LRP1B: variants seen among roughly 807,000 people sequenced by gnomAD.
LRP1B encodes LDL receptor related protein 1B, also known as low-density lipoprotein receptor-related protein 1B.
Under a neutral mutation model 556.6 loss-of-function variants are expected in LRP1B, and 217 were observed. That is an observed-to-expected ratio of 0.39 (90% CI 0.35 to 0.44). The LOEUF (loss-of-function observed/expected upper bound fraction) is 0.44, where lower values mean the gene tolerates loss of function less well. Ranked by LOEUF, LRP1B falls within the 20% of genes least tolerant of loss-of-function variation. The pLI, the probability that LRP1B is intolerant of heterozygous loss-of-function variation, is 1.00. For synonymous variants in LRP1B, 2,047 were observed against 1,865.8 expected (o/e 1.10, Z -2.50); for missense variants, 5,053 against 5,620.8 (o/e 0.90, Z 3.23).
chr2:141,165,105 CAG>C (rs1680193688), intron 7 of LRP1B, among the ~76,000 whole-genome samples: 1 of 151,950 alleles, frequency 6.6e-6, no homozygotes, highest in Non-Finnish European at 1.5e-5. Flanking sequence ...TGTCATTAGG[CAG>C]AGAGACTGTG....
chr2:140,949,747 T>C (rs1050000750), intron 20 of LRP1B, among the ~76,000 whole-genome samples: 42 of 151,858 alleles, frequency 2.8e-4, no homozygotes, highest in African/African-American at 1.0e-3. Context: ...GAGACCATCC[T>C]GGCTAACATG....
intron 59 of LRP1B, among the ~76,000 whole-genome samples, chr2:140,484,330 A>T: frequency 6.6e-6 from 1 of 152,206 alleles, no homozygotes; most frequent in Middle Eastern, 3.2e-3. Context: ...AATTATAAAC[A>T]TGAGGGACCA....
intron 17 of LRP1B, among the ~76,000 whole-genome samples, chr2:140,983,421 A>G (rs1696830307): frequency 6.6e-6 from 1 of 152,004 alleles, no homozygotes; most frequent in Non-Finnish European, 1.5e-5. Flanking sequence ...AGGTTTCAGA[A>G]CCATTGTTTG....
intron 21 of LRP1B, among the ~76,000 whole-genome samples, chr2:140,918,729 G>T (rs989465891): frequency 6.6e-6 from 1 of 152,074 alleles, no homozygotes. Context: ...GTATTGGGAG[G>T]TTTGGGAGGT....
chr2:140,922,866 A>C, intron 21 of LRP1B, 99 bp downstream of exon 21: 1 of 1,034,560 alleles, frequency 9.7e-7, no homozygotes. Flanking sequence ...CAAAAATATA[A>C]GATTACTTTT....
intron 1 of LRP1B, among the ~76,000 whole-genome samples, chr2:141,827,881 TATA>T (rs1321054243): frequency 1.3e-5 from 2 of 152,050 alleles, no homozygotes; most frequent in African/African-American, 4.8e-5. Context: ...TGTCTTTACG[TATA>T]ATATTTAGAC....
chr2:140,776,323 C>G (rs532176866), intron 32 of LRP1B, 85 bp from the exon 33 acceptor site: 1 of 863,542 alleles, frequency 1.2e-6, no homozygotes, highest in Non-Finnish European at 1.6e-6. Context: ...ATAATACTCT[C>G]TGATTTCTTT....
At chr2:140,665,789 AGTT>A (rs935967686) in intron 41 of LRP1B, among the ~76,000 whole-genome samples, 2 of 152,274 alleles carry the variant, frequency 1.3e-5, no homozygotes, top group East Asian at 1.9e-4. Flanking sequence ...TTTCATAAAG[AGTT>A]GTTGTTCTTA....
intron 6 of LRP1B, among the ~76,000 whole-genome samples, chr2:141,219,154 C>T (rs975265511): frequency 3.9e-5 from 6 of 152,314 alleles, no homozygotes; most frequent in South Asian, 2.1e-4. Flanking sequence ...GCAATCCAAT[C>T]GGGTTGAGGC....
chr2:140,929,272 G>A (rs139753939), intron 20 of LRP1B, among the ~76,000 whole-genome samples: 86 of 152,240 alleles, frequency 5.6e-4, no homozygotes, highest in African/African-American at 2.0e-3. Context: ...AAGAGAGAAT[G>A]CCAGGAGAAC....
At chr2:140,476,602 C>G (rs1687984955) in intron 59 of LRP1B, among the ~76,000 whole-genome samples, 2 of 151,904 alleles carry the variant, frequency 1.3e-5, no homozygotes, top group African/African-American at 4.8e-5. Flanking sequence ...GTAAAGAACA[C>G]ACACCATATT....
At chr2:140,442,430 A>G in intron 66 of LRP1B, 74 bp downstream of exon 66, 1 of 1,531,364 alleles carries the variant, frequency 6.5e-7, no homozygotes. Flanking sequence ...TTGTGTTCAA[A>G]TTTGTTTAAC....
chr2:140,878,664 TGTAGTGTTATCTCCACAAACAAGGGCCA>T (rs1381272199), intron 25 of LRP1B, among the ~76,000 whole-genome samples: 18 of 152,174 alleles, frequency 1.2e-4, no homozygotes, highest in African/African-American at 4.3e-4. Context: ...CAATCTAATT[TGTAGTGTTATCTCCACAAACAAGGGCCA>T]GTAGAGAGAT....
chr2:141,888,400 C>T (rs897083724), intron 1 of LRP1B, among the ~76,000 whole-genome samples: 1 of 152,088 alleles, frequency 6.6e-6, no homozygotes, highest in Non-Finnish European at 1.5e-5. Flanking sequence ...AAGCCTTAAG[C>T]AGCACATCAG....
At chr2:141,984,395 G>T (rs1702127109) in intron 1 of LRP1B, among the ~76,000 whole-genome samples, 1 of 152,010 alleles carries the variant, frequency 6.6e-6, no homozygotes, top group Admixed American at 6.5e-5. Context: ...TTAAGAGTTT[G>T]ACAGAAACAG....
rs1290681214 is a variant in LRP1B at position 140,886,295 on chromosome 2, C to T, written c.3807G>A (p.Glu1269=). 6.2e-7 allele frequency: 1 copy of T among 1,605,242 alleles called. No homozygotes were observed. The highest frequency in any genetic ancestry group is 1.3e-5 in the African/African-American group (1 of 74,834). The change falls in exon 24 of 91, where the codon GAG becomes GAA. Residue 1269 remains glutamate, a synonymous_variant. Transcript: ENST00000389484. ...TTTTGTGAAGATCAATCCTTCTGAT[C>T]TCATGACGAATAGAAAAGATGATGA... ...EAFIIFSIRH[E]IRRIDLHKRD...
chr2:140,913,984 G>T (rs1694500695), intron 21 of LRP1B, among the ~76,000 whole-genome samples: 1 of 152,086 alleles, frequency 6.6e-6, no homozygotes, highest in Non-Finnish European at 1.5e-5. Flanking sequence ...TGTTCAAAAA[G>T]CAATAATGAA....
At chr2:140,771,820 T>G (rs1319019060) in intron 33 of LRP1B, among the ~76,000 whole-genome samples, 1 of 152,248 alleles carries the variant, frequency 6.6e-6, no homozygotes, top group Admixed American at 6.5e-5. Context: ...ATTTACTGGA[T>G]GTTCAAGCAC....
chr2:140,669,463 TA>T, intron 41 of LRP1B, among the ~76,000 whole-genome samples: 1 of 152,188 alleles, frequency 6.6e-6, no homozygotes, highest in East Asian at 1.9e-4. Flanking sequence ...AGAAGAGTTT[TA>T]AAAAGGGAAA....
Sources: gnomAD v4.1 joint callset for allele counts (sites outside exome capture counted in the v4.1 genomes callset) on GRCh38, gnomAD v4.1.1 for gene constraint, MANE v1.5 for transcripts, NCBI Gene and HGNC (gene_info 2026-07-23, HGNC 2026-07-21) for gene names.